Variants in GAN observed in about 807,000 individuals in gnomAD.
GAN encodes gigaxonin.
Under a neutral mutation model 71.3 loss-of-function variants are expected in GAN, and 48 were observed. The ratio of observed to expected loss-of-function variants is 0.67; its 90% CI spans 0.53 to 0.86. The LOEUF is 0.86. GAN is among the 40% of genes least tolerant of loss of function. The pLI, the probability that GAN is intolerant of heterozygous loss-of-function variation, is 0.00. For missense variants in GAN, 928 were observed against 770.1 expected, an observed-to-expected ratio of 1.21 and a Z score of -2.43; for synonymous variants, 386 against 276.8, an observed-to-expected ratio of 1.39 and a Z score of -3.92.
chr16:81,375,878 G>A (rs538483786), intron 9 of GAN, among the ~76,000 whole-genome samples: 1 of 151,470 alleles, frequency 6.6e-6, no homozygotes, highest in African/African-American at 2.4e-5. Flanking sequence ...GGTGGGGTGA[G>A]AGGATCACTA....
chr16:81,342,189 C>G (rs1463027155), intron 1 of GAN, among the ~76,000 whole-genome samples: 1 of 152,144 alleles, frequency 6.6e-6, no homozygotes, highest in African/African-American at 2.4e-5. Flanking sequence ...TAATGGGAGA[C>G]TTTAACACCC....
intron 2 of GAN, among the ~76,000 whole-genome samples, chr16:81,352,230 C>G (rs931371450): frequency 6.6e-6 from 1 of 152,164 alleles, no homozygotes; most frequent in East Asian, 1.9e-4. Context: ...CAGTAGTACC[C>G]ACATCCCTGC....
At chr16:81,340,488 C>T (rs1264270440) in intron 1 of GAN, among the ~76,000 whole-genome samples, 1 of 152,204 alleles carries the variant, frequency 6.6e-6, no homozygotes, top group East Asian at 1.9e-4. Context: ...GATACCCAGG[C>T]AAACAGGGTC....
intron 1 of GAN, among the ~76,000 whole-genome samples, chr16:81,319,206 T>TTATATATATATATATATATATATATA (rs57681055): frequency 2.9e-5 from 4 of 138,798 alleles, no homozygotes; most frequent in African/African-American, 8.1e-5. Context: ...TAGATATAGA[T>TTATATATATATATATATATATATATA]TATATATATA....
rs1034179356 is a variant in GAN at position 81,380,429 on chromosome 16, A to G, written c.*2833A>G. 2 of 152,594 alleles carry G rather than the reference A, an allele frequency of 1.3e-5. No homozygotes were observed. The highest frequency in any genetic ancestry group is 4.8e-5 in the African/African-American group (2 of 41,456). 9.5% of individuals were successfully genotyped at this position (152,594 alleles called of 1,614,324 possible). A position where few individuals can be genotyped will look rare whatever the true frequency, so the allele number is the denominator to read the frequency against. Reference sequence around the variant, plus strand: ...TCCTAGGCTGCAGTCTAAAATAGGTAGTTTGTTTCTTTGTTTAGCATATCC... The same window carrying G: ...TCCTAGGCTGCAGTCTAAAATAGGTGGTTTGTTTCTTTGTTTAGCATATCC... On this transcript the variant is annotated 3_prime_UTR_variant, in exon 11 of 11. Coordinates refer to ENST00000648994, the MANE Select transcript of GAN (RefSeq NM_022041.4).
rs1312882708 is a variant in GAN, at chr16:81,390,091, T to C, written c.*12495T>C. On this transcript the variant is annotated 3_prime_UTR_variant, in exon 11 of 11. Transcript: ENST00000648994. ...GAAGATTGTATTGTGTGTGATATTA[T>C]CCTATCTTTAATAAAGTCCTACTAC... The C allele has an allele frequency of 6.6e-6, 1 of 152,198 alleles. No homozygotes were observed. The highest frequency in any genetic ancestry group is 2.4e-5 in the African/African-American group (1 of 41,432). The allele number at this position is 152,198 out of a possible 1,614,324, so 9.4% of individuals were successfully genotyped here.
rs1345334011 is a variant in GAN, at chr16:81,315,097, G to A, written c.-17G>A. ...GTGTCGGGAGCCGGACCCGTCGGCAGAGGAGCGGGCGCCGCGATGGCTGAG... is the reference window on the plus strand; with the variant it reads ...GTGTCGGGAGCCGGACCCGTCGGCAAAGGAGCGGGCGCCGCGATGGCTGAG... On this transcript the variant is annotated 5_prime_UTR_variant, in exon 1 of 11. Transcript: ENST00000648994. 1 of 1,478,784 alleles carries A rather than the reference G, an allele frequency of 6.8e-7. No individual in the cohort carries two copies. The highest frequency in any genetic ancestry group is 9.0e-7 in the Non-Finnish European group (1 of 1,110,336). 91.6% of individuals were successfully genotyped at this position (1,478,784 alleles called of 1,614,324 possible).
Position 81,354,462 on chromosome 16 carries a change from C to G in GAN, c.340C>G (p.Leu114Val). The G allele has an allele frequency of 6.2e-7, 1 of 1,614,052 alleles. No individual in the cohort carries two copies. ...TGTTCAGGCAGCTGACCTGCTGCTA[C>G]TGACGGACCTTAAAACCCTGTGCTG... ...DVVQAADLLLLTDLKTLCCEF... is the reference protein window; with the variant it reads ...DVVQAADLLLVTDLKTLCCEF... The change falls in exon 3 of 11, where the codon CTG becomes GTG. Residue 114 changes from leucine to valine, a missense_variant. Coordinates refer to ENST00000648994, the MANE Select transcript of GAN (RefSeq NM_022041.4).
rs1425725422 is a variant in GAN at position 81,387,283 on chromosome 16, A to C, written c.*9687A>C. 6.6e-6 allele frequency: 1 copy of C among 152,100 alleles called. No individual in the cohort carries two copies. Among genetic ancestry groups the C allele is most frequent in the Non-Finnish European group, 1.5e-5 (1 of 68,004 alleles). The allele number at this position is 152,100 out of a possible 1,614,324, so 9.4% of individuals were successfully genotyped here. On this transcript the variant is annotated 3_prime_UTR_variant, in exon 11 of 11. Transcript: ENST00000648994. Reference sequence around the variant, plus strand: ...TTTTGTTGCGGGGGGTGGGATATTGATCATTTGAACATATGCCAGTTGTTT... The same window carrying C: ...TTTTGTTGCGGGGGGTGGGATATTGCTCATTTGAACATATGCCAGTTGTTT...
chr16:81,330,675 T>C (rs1909546331), intron 1 of GAN, among the ~76,000 whole-genome samples: 1 of 152,212 alleles, frequency 6.6e-6, no homozygotes, highest in South Asian at 2.1e-4. Flanking sequence ...TACTGATGGC[T>C]ACAAAAAGGG....
rs1283441462 is a variant in GAN at position 81,379,730 on chromosome 16, C to G, written c.*2134C>G. The G allele has an allele frequency of 6.6e-6, 1 of 152,186 alleles. No homozygotes were observed. The highest frequency in any genetic ancestry group is 1.5e-5 in the Non-Finnish European group (1 of 68,026). 9.4% of individuals were successfully genotyped at this position (152,186 alleles called of 1,614,324 possible). On this transcript the variant is annotated 3_prime_UTR_variant, in exon 11 of 11. Coordinates refer to ENST00000648994, the MANE Select transcript of GAN (RefSeq NM_022041.4). ...TAATTGGGGAACATTAAAACAGTAA[C>G]TGACATCCAGTTAAAGCCACGATCG... is the stretch of plus-strand genomic sequence containing the variant.
Position 81,379,618 on chromosome 16 carries a change from A to C in GAN, c.*2022A>C, listed in dbSNP as rs911773036. On this transcript the variant is annotated 3_prime_UTR_variant, in exon 11 of 11. Transcript: ENST00000648994. Reference sequence around the variant, plus strand: ...ATTTTTCTTTTTACAACTAGATATTAGTTTTAGAGGAAGGAAATAGCTGAA... The same window carrying C: ...ATTTTTCTTTTTACAACTAGATATTCGTTTTAGAGGAAGGAAATAGCTGAA... 2.6e-5 allele frequency: 4 copies of C among 152,196 alleles called. No homozygotes were observed. Among genetic ancestry groups the C allele is most frequent in the African/African-American group, 9.6e-5 (4 of 41,454 alleles). 9.4% of individuals were successfully genotyped at this position (152,196 alleles called of 1,614,324 possible). A position where few individuals can be genotyped will look rare whatever the true frequency, so the allele number is the denominator to read the frequency against.
chr16:81,332,050 A>G (rs933010988), intron 1 of GAN, among the ~76,000 whole-genome samples: 14 of 152,052 alleles, frequency 9.2e-5, no homozygotes, highest in African/African-American at 2.9e-4. Flanking sequence ...GATCCCAGCT[A>G]CTTGGAAGGC....
intron 1 of GAN, among the ~76,000 whole-genome samples, chr16:81,351,061 A>G (rs567565379): frequency 2.6e-4 from 40 of 152,362 alleles, no homozygotes; most frequent in African/African-American, 9.4e-4. Context: ...AATTTAAAAT[A>G]TATATTTCAC....
chr16:81,351,549 T>A, intron 1 of GAN, 34 bp from the exon 2 acceptor site: 1 of 865,420 alleles, frequency 1.2e-6, no homozygotes, highest in South Asian at 1.3e-5. Flanking sequence ...TTCTGTTCTT[T>A]CATAGAAATT....
chr16:81,324,662 G>A (rs977248049), intron 1 of GAN, among the ~76,000 whole-genome samples: 11 of 152,294 alleles, frequency 7.2e-5, no homozygotes, highest in Middle Eastern at 3.4e-3. Context: ...TTGTGTATTG[G>A]GAGCTGGCTG....
intron 9 of GAN, among the ~76,000 whole-genome samples, chr16:81,375,143 A>G (rs1190135632): frequency 6.6e-6 from 1 of 152,270 alleles, no homozygotes; most frequent in East Asian, 1.9e-4. Flanking sequence ...TCTGTTCTTC[A>G]AAAGAGTCCA....
intron 3 of GAN, among the ~76,000 whole-genome samples, 176 bp downstream of exon 3, chr16:81,354,931 CA>C (rs1910436556): frequency 6.6e-6 from 1 of 152,160 alleles, no homozygotes; most frequent in Non-Finnish European, 1.5e-5. Flanking sequence ...GACCAGTCTG[CA>C]AAAGCCCATG....
chr16:81,383,753 A>G lies in GAN; in HGVS notation c.*6157A>G, dbSNP rs1486981509. 1 of 152,132 alleles carries G rather than the reference A, an allele frequency of 6.6e-6. No homozygotes were observed. Among genetic ancestry groups the G allele is most frequent in the Non-Finnish European group, 1.5e-5 (1 of 68,030 alleles). 9.4% of individuals were successfully genotyped at this position (152,132 alleles called of 1,614,324 possible). On this transcript the variant is annotated 3_prime_UTR_variant, in exon 11 of 11. Transcript: ENST00000648994. ...TTAGAGAAGGAACAGGTGGAAAAGG[A>G]TGGCAACACACAGAGTCCGGGGGAC...
Sources: allele counts gnomAD v4.1 joint callset (sites outside exome capture counted in the v4.1 genomes callset), GRCh38; gene constraint gnomAD v4.1.1; transcripts MANE v1.5; gene names NCBI Gene and HGNC (gene_info 2026-07-23, HGNC 2026-07-21).